The following SPPL3 variants were observed in gnomAD, a reference collection of about 807,000 sequenced individuals.
The protein encoded by SPPL3 is signal peptide peptidase like 3, also known as signal peptide peptidase-like 3.
A neutral mutation model predicts 42.4 loss-of-function variants in SPPL3; 5 were observed. The ratio of observed to expected loss-of-function variants is 0.12; its 90% CI spans 0.06 to 0.25. The LOEUF (loss-of-function observed/expected upper bound fraction) is 0.25, where lower values mean the gene tolerates loss of function less well. SPPL3 is among the 10% of genes least tolerant of loss of function. SPPL3 has a pLI of 1.00. For synonymous variants in SPPL3, 195 were observed against 181.8 expected (o/e 1.07, Z -0.58); for missense variants, 235 against 489.0 (o/e 0.48, Z 4.90).
intron 1 of SPPL3, among the ~76,000 whole-genome samples, chr12:120,825,952 G>T (rs1023459461): frequency 9.7e-6 from 1 of 103,456 alleles, no homozygotes. Flanking sequence ...TCTTTGTCCA[G>T]GGTGTCTATC....
intron 1 of SPPL3, among the ~76,000 whole-genome samples, chr12:120,833,243 T>C (rs1216684695): frequency 6.6e-6 from 1 of 151,778 alleles, no homozygotes; most frequent in Non-Finnish European, 1.5e-5. Flanking sequence ...GACAAAGAAG[T>C]GTGGGGCATG....
intron 1 of SPPL3, among the ~76,000 whole-genome samples, chr12:120,824,215 G>A (rs1566052399): frequency 6.6e-6 from 1 of 152,088 alleles, no homozygotes; most frequent in Non-Finnish European, 1.5e-5. Flanking sequence ...TTAGGAAGAA[G>A]CAAGCTGAAG....
At chr12:120,816,447 T>C (rs1370321408) in intron 1 of SPPL3, among the ~76,000 whole-genome samples, 1 of 152,278 alleles carries the variant, frequency 6.6e-6, no homozygotes, top group Non-Finnish European at 1.5e-5. Flanking sequence ...AGTTATAGAT[T>C]ATTTTACGAT....
Position 120,884,242 on chromosome 12 carries a change from G to C in SPPL3, c.23+19603C>G, listed in dbSNP as rs555044141. Among the ~76,000 whole-genome samples the C allele has an allele frequency of 2.6e-5, 4 of 152,272 alleles. 1 individual carries two copies. The highest frequency in any genetic ancestry group is 9.6e-5 in the African/African-American group (4 of 41,554). The stretch of plus-strand genomic sequence containing the variant: ...GAGGAAGGACAAAGGAGAGTACAAA[G>C]GGGGCTTCCAGAACATTGGTAATCC... On this transcript the variant is annotated intron_variant, in intron 1 of 10. Transcript: ENST00000353487.
At chr12:120,795,215 G>T (rs1274415752) in intron 2 of SPPL3, among the ~76,000 whole-genome samples, 1 of 152,146 alleles carries the variant, frequency 6.6e-6, no homozygotes, top group African/African-American at 2.4e-5. Flanking sequence ...CCAAGTAGCT[G>T]GGATTACAGG....
At chr12:120,770,609 C>T (rs1869082557) in intron 6 of SPPL3, among the ~76,000 whole-genome samples, 1 of 152,250 alleles carries the variant, frequency 6.6e-6, no homozygotes, top group Non-Finnish European at 1.5e-5. Flanking sequence ...ATGGCTCCCT[C>T]CTTTTCCCTT....
chr12:120,769,099 G>A, intron 6 of SPPL3, 40 bp from the exon 7 acceptor site: 1 of 1,493,954 alleles, frequency 6.7e-7, no homozygotes, highest in Non-Finnish European at 9.2e-7. Context: ...CAGTCAGTGT[G>A]GACTCCAGGC....
chr12:120,823,186 G>A (rs1871122462), intron 1 of SPPL3, among the ~76,000 whole-genome samples: 1 of 130,186 alleles, frequency 7.7e-6, no homozygotes, highest in African/African-American at 2.8e-5. Flanking sequence ...AAAGGTGTCT[G>A]TGAGAGACGG....
At chr12:120,854,849 A>T (rs542872046) in intron 1 of SPPL3, among the ~76,000 whole-genome samples, 47 of 152,356 alleles carry the variant, frequency 3.1e-4, no homozygotes, top group African/African-American at 1.1e-3. Flanking sequence ...TTGTTTTGTT[A>T]TAATCAAAAC....
At chr12:120,797,576 A>G (rs1261540941) in intron 2 of SPPL3, among the ~76,000 whole-genome samples, 1 of 152,156 alleles carries the variant, frequency 6.6e-6, no homozygotes, top group African/African-American at 2.4e-5. Context: ...GGCTGGAAGT[A>G]CAAGTGGCTC....
At chr12:120,827,314 TATA>T (rs1344429356) in intron 1 of SPPL3, among the ~76,000 whole-genome samples, 6 of 122,116 alleles carry the variant, frequency 4.9e-5, no homozygotes, top group South Asian at 3.0e-4. Context: ...TAACTGCTGC[TATA>T]ATAACAGGAA....
intron 1 of SPPL3, among the ~76,000 whole-genome samples, chr12:120,877,222 T>C (rs1200889811): frequency 3.9e-5 from 6 of 152,216 alleles, no homozygotes; most frequent in South Asian, 2.1e-4. Flanking sequence ...AAAATTGAAA[T>C]TGTAGCTTAA....
intron 1 of SPPL3, among the ~76,000 whole-genome samples, chr12:120,813,509 C>G (rs190776782): frequency 1.3e-5 from 2 of 151,748 alleles, no homozygotes; most frequent in African/African-American, 4.8e-5. Context: ...TAGTAAGAGA[C>G]GGGGTTTCAT....
chr12:120,789,378 C>T (rs949451406), intron 3 of SPPL3, among the ~76,000 whole-genome samples: 2 of 138,400 alleles, frequency 1.4e-5, no homozygotes, highest in Admixed American at 1.7e-4. Context: ...CACTTGAACC[C>T]GGGAGGCGGA....
At chr12:120,832,886 T>C (rs1871475715) in intron 1 of SPPL3, among the ~76,000 whole-genome samples, 1 of 152,168 alleles carries the variant, frequency 6.6e-6, no homozygotes, top group South Asian at 2.1e-4. Context: ...AATGTTTTAC[T>C]GAGCACTTCC....
chr12:120,783,516 A>G (rs1869612418), intron 5 of SPPL3, among the ~76,000 whole-genome samples, 158 bp downstream of exon 5: 1 of 152,248 alleles, frequency 6.6e-6, no homozygotes. Flanking sequence ...AGGAAGTACT[A>G]GCTTCTGGCT....
At chr12:120,768,649 G>C (rs1336236013) in intron 7 of SPPL3, 161 bp from the exon 8 acceptor site, 5 of 842,574 alleles carry the variant, frequency 5.9e-6, no homozygotes, top group Non-Finnish European at 9.0e-6. Context: ...CTGTGTACTT[G>C]CCAATTTCTG....
At chr12:120,777,533 A>C (rs1869366683) in intron 6 of SPPL3, among the ~76,000 whole-genome samples, 1 of 152,242 alleles carries the variant, frequency 6.6e-6, no homozygotes, top group Admixed American at 6.5e-5. Flanking sequence ...CTGTCACTTT[A>C]TCACTCTTAA....
chr12:120,792,924 T>A (rs1869970226), intron 2 of SPPL3, among the ~76,000 whole-genome samples: 1 of 151,868 alleles, frequency 6.6e-6, no homozygotes, highest in African/African-American at 2.4e-5. Flanking sequence ...GATATGATGC[T>A]AAAAAACAGA....
Sources: gnomAD v4.1 joint callset for allele counts (sites outside exome capture counted in the v4.1 genomes callset) on GRCh38, gnomAD v4.1.1 for gene constraint, MANE v1.5 for transcripts, NCBI Gene and HGNC (gene_info 2026-07-23, HGNC 2026-07-21) for gene names.